Variants in FGF2 observed in about 807,000 individuals in gnomAD.
The protein encoded by FGF2 is fibroblast growth factor 2.
FGF2 carries 13 observed loss-of-function variants against 15.9 expected under a neutral mutation model. The ratio of observed to expected loss-of-function variants is 0.82; its 90% CI spans 0.53 to 1.30. The LOEUF is 1.30. Ranked by LOEUF, FGF2 falls within the 50% of genes most tolerant of loss-of-function variation. FGF2 has a pLI of 0.00. For missense variants in FGF2, 163 were observed against 196.9 expected (o/e 0.83, Z 1.03); for synonymous variants, 90 against 78.4 (o/e 1.15, Z -0.78).
Position 122,893,387 on chromosome 4 carries a change from T to A in FGF2, c.*991T>A. The A allele has an allele frequency of 1.7e-6, 1 of 571,944 alleles. No individual in the cohort carries two copies. Among genetic ancestry groups the A allele is most frequent in the South Asian group, 4.2e-5 (1 of 24,074 alleles). 35.4% of individuals were successfully genotyped at this position (571,944 alleles called of 1,614,324 possible). Reference sequence around the variant, plus strand: ...TCTTTGCCTTGTGGATATCAAGAAATCCCAAAATATTTTCTTACCACTGTA... The same window carrying A: ...TCTTTGCCTTGTGGATATCAAGAAAACCCAAAATATTTTCTTACCACTGTA... On this transcript the variant is annotated 3_prime_UTR_variant, in exon 3 of 3. Transcript: ENST00000644866.
chr4:122,857,908 T>G (rs890828229), intron 1 of FGF2, among the ~76,000 whole-genome samples: 1 of 152,224 alleles, frequency 6.6e-6, no homozygotes, highest in African/African-American at 2.4e-5. Context: ...TTAAGTTTCA[T>G]AATAAAAACC....
At chr4:122,876,484 A>T in intron 2 of FGF2, 60 bp downstream of exon 2, 1 of 1,010,980 alleles carries the variant, frequency 9.9e-7, no homozygotes, top group Non-Finnish European at 1.6e-6. Flanking sequence ...TTAATTTACC[A>T]GCATTGTTGT....
intron 2 of FGF2, chr4:122,882,089 C>T (rs1726970499): frequency 6.6e-6 from 1 of 152,334 alleles, no homozygotes; most frequent in Middle Eastern, 3.4e-3. Flanking sequence ...AAAGACTTGT[C>T]TCCATGATTC....
At chr4:122,869,869 C>T (rs1293679374) in intron 1 of FGF2, among the ~76,000 whole-genome samples, 1 of 152,142 alleles carries the variant, frequency 6.6e-6, no homozygotes, top group African/African-American at 2.4e-5. Flanking sequence ...ATTTCCAATA[C>T]TATGTTGAGT....
intron 1 of FGF2, among the ~76,000 whole-genome samples, chr4:122,844,602 CCTTCCTTCCTTCCTTT>C (rs1426074508): frequency 7.1e-6 from 1 of 140,196 alleles, no homozygotes; most frequent in Non-Finnish European, 1.5e-5. Flanking sequence ...TTCCTTCCTT[CCTTCCTTCCTTCCTTT>C]CTTTCTTCCT....
chr4:122,839,221 G>A lies in FGF2; in HGVS notation c.178+11869G>A, dbSNP rs1287358024. Among the ~76,000 whole-genome samples, 8 of 152,258 alleles carry A rather than the reference G, an allele frequency of 5.3e-5. No individual in the cohort carries two copies. The East Asian group carries it at 1.5e-3, about 29-fold the overall frequency. ...GTGTATTTAAGCATATCTAAACATT[G>A]AAAAGGTACAGTAAAAATATGACAT... On this transcript the variant is annotated intron_variant, in intron 1 of 2. Transcript: ENST00000644866.
At chr4:122,835,810 T>C (rs530883790) in intron 1 of FGF2, among the ~76,000 whole-genome samples, 2 of 152,314 alleles carry the variant, frequency 1.3e-5, no homozygotes, top group South Asian at 4.1e-4. Context: ...TTACCATCCA[T>C]ACCTTCCTGA....
chr4:122,881,091 T>A (rs1003185815), intron 2 of FGF2, among the ~76,000 whole-genome samples: 1 of 152,174 alleles, frequency 6.6e-6, no homozygotes, highest in African/African-American at 2.4e-5. Flanking sequence ...TAGTCACAGC[T>A]GGAGCAGCTG....
At chr4:122,882,835 C>T (rs1726987743) in intron 2 of FGF2, 1 of 152,134 alleles carries the variant, frequency 6.6e-6, no homozygotes, top group Non-Finnish European at 1.5e-5. Context: ...TTTTCAGCAG[C>T]AATCCTGTCT....
intron 1 of FGF2, among the ~76,000 whole-genome samples, chr4:122,867,953 A>G (rs937665988): frequency 6.6e-6 from 1 of 152,196 alleles, no homozygotes; most frequent in African/African-American, 2.4e-5. Flanking sequence ...CTTATACTGA[A>G]GGTCTGCATT....
At chr4:122,890,762 T>C (rs1041826090) in intron 2 of FGF2, among the ~76,000 whole-genome samples, 5 of 152,172 alleles carry the variant, frequency 3.3e-5, no homozygotes, top group African/African-American at 1.2e-4. Context: ...TTCCTAGATA[T>C]GAGTATATAG....
At chr4:122,829,701 A>T (rs2926173) in intron 1 of FGF2, among the ~76,000 whole-genome samples, 3 of 152,212 alleles carry the variant, frequency 2.0e-5, no homozygotes, top group African/African-American at 7.2e-5. Context: ...TCCCTCCCCA[A>T]CTTCCCACCC....
intron 1 of FGF2, among the ~76,000 whole-genome samples, chr4:122,872,502 G>A (rs577987469): frequency 1.3e-5 from 2 of 151,142 alleles, no homozygotes; most frequent in African/African-American, 4.9e-5. Flanking sequence ...AGGCCAACAT[G>A]CAAATTCAGG....
At chr4:122,872,245 C>G (rs1277135332) in intron 1 of FGF2, among the ~76,000 whole-genome samples, 1 of 151,966 alleles carries the variant, frequency 6.6e-6, no homozygotes, top group Non-Finnish European at 1.5e-5. Context: ...TATCAACACC[C>G]AAATCAACCA....
rs528800876 is a variant in FGF2 at position 122,827,981 on chromosome 4, T to C, written c.178+629T>C. On this transcript the variant is annotated intron_variant, in intron 1 of 2. Coordinates refer to ENST00000644866, the MANE Select transcript of FGF2 (RefSeq NM_001361665.2). The surrounding 1 kb of genome is among the most constrained non-coding windows in gnomAD (Gnocchi z 4.2). ...GCTTTGTTTCAGTAGTGAAAAGAAG[T>C]GCAAACACTTTAATCTTCCACCTGC... Among the ~76,000 whole-genome samples the C allele has an allele frequency of 1.3e-5, 2 of 152,346 alleles. No individual in the cohort carries two copies. Among genetic ancestry groups the C allele is most frequent in the South Asian group, 2.1e-4 (1 of 4,828 alleles).
intron 1 of FGF2, among the ~76,000 whole-genome samples, chr4:122,856,192 TTTATATTGTGTTACATTGTG>T (rs572099070): frequency 1.7e-3 from 262 of 152,328 alleles, no homozygotes; most frequent in Admixed American, 3.9e-3. Context: ...TCATCAGATT[TTTATATTGTGTTACATTGTG>T]TTATATTGTG....
intron 1 of FGF2, among the ~76,000 whole-genome samples, chr4:122,832,957 G>C (rs1394171299): frequency 6.6e-6 from 1 of 152,180 alleles, no homozygotes; most frequent in East Asian, 1.9e-4. Flanking sequence ...CTCACCCTTT[G>C]AGCCATAGAC....
chr4:122,826,868 G>A lies in FGF2; in HGVS notation c.-307G>A. ...GACGCGGTGCCCGCGGTTGCAACGG[G>A]ATCCCGGGCGCTGCAGCTTGGGAGG... On this transcript the variant is annotated 5_prime_UTR_variant, in exon 1 of 3. Transcript: ENST00000644866. The A allele has an allele frequency of 6.6e-7, 1 of 1,520,556 alleles. No individual in the cohort carries two copies. The highest frequency in any genetic ancestry group is 8.8e-7 in the Non-Finnish European group (1 of 1,135,776). The allele number at this position is 1,520,556 out of a possible 1,614,324, so 94.2% of individuals were successfully genotyped here. A position where few individuals can be genotyped will look rare whatever the true frequency, so the allele number is the denominator to read the frequency against.
intron 2 of FGF2, chr4:122,883,185 T>A (rs1005593904): frequency 6.6e-6 from 1 of 152,226 alleles, no homozygotes; most frequent in Non-Finnish European, 1.5e-5. Flanking sequence ...TCCATTTTAC[T>A]CTGTGATTCC....
Sources: gnomAD v4.1 joint callset for allele counts (sites outside exome capture counted in the v4.1 genomes callset) on GRCh38, gnomAD v4.1.1 for gene constraint, Gnocchi (gnomAD v3.1) non-coding constraint, MANE v1.5 for transcripts, NCBI Gene and HGNC (gene_info 2026-07-23, HGNC 2026-07-21) for gene names.